The following ITGA1 variants were observed in gnomAD, a reference collection of about 807,000 sequenced individuals.
ITGA1 encodes integrin alpha-1.
Under a neutral mutation model 145.9 loss-of-function variants are expected in ITGA1, and 85 were observed. The ratio of observed to expected loss-of-function variants is 0.58; its 90% CI spans 0.49 to 0.70. The LOEUF is 0.70. Among genes scored for constraint, ITGA1 ranks in the 30% least tolerant of loss-of-function variants. The pLI is 0.00. For synonymous variants in ITGA1, 520 were observed against 495.3 expected (o/e 1.05, Z -0.66); for missense variants, 1,351 against 1,418.7 (o/e 0.95, Z 0.77).
chr5:52,792,455 G>T (rs1580019712), intron 1 of ITGA1, among the ~76,000 whole-genome samples: 1 of 152,166 alleles, frequency 6.6e-6, no homozygotes, highest in East Asian at 1.9e-4. Flanking sequence ...GAGTAACCAT[G>T]AGACACATAT....
chr5:52,819,353 A>G (rs1297232069), intron 1 of ITGA1, among the ~76,000 whole-genome samples: 1 of 152,168 alleles, frequency 6.6e-6, no homozygotes, highest in Admixed American at 6.5e-5. Flanking sequence ...CTGGTGTCAG[A>G]TGGTATCTCA....
chr5:52,934,790 T>C (rs186443745), intron 23 of ITGA1, among the ~76,000 whole-genome samples: 7 of 152,074 alleles, frequency 4.6e-5, no homozygotes, highest in Admixed American at 2.6e-4. Flanking sequence ...CTTTTGGGAA[T>C]TGCCAACCAC....
chr5:52,798,039 C>T (rs1160270586), intron 1 of ITGA1, among the ~76,000 whole-genome samples: 5 of 152,230 alleles, frequency 3.3e-5, no homozygotes, highest in Non-Finnish European at 7.3e-5. Context: ...CTCTCTCTTT[C>T]TCTCTCACAA....
chr5:52,827,606 T>G (rs1160779763), intron 1 of ITGA1, among the ~76,000 whole-genome samples: 3 of 152,144 alleles, frequency 2.0e-5, no homozygotes, highest in Non-Finnish European at 2.9e-5. Context: ...TTTTGTAAAA[T>G]GAAGAGTCAA....
rs938125133 is a variant in ITGA1, at chr5:52,955,955, A to G, written c.*3504A>G. On this transcript the variant is annotated 3_prime_UTR_variant, in exon 29 of 29. Transcript: ENST00000282588. ...CGTATATACATATATATATATATAT[A>G]TATACACATACACTCACATGCAGAT... 3 of 151,904 alleles carry G rather than the reference A, an allele frequency of 2.0e-5. No individual in the cohort carries two copies. Among genetic ancestry groups the G allele is most frequent in the Non-Finnish European group, 2.9e-5 (2 of 68,002 alleles). 9.4% of individuals were successfully genotyped at this position (151,904 alleles called of 1,614,324 possible).
chr5:52,793,565 A>T (rs893334785), intron 1 of ITGA1, among the ~76,000 whole-genome samples: 1 of 152,098 alleles, frequency 6.6e-6, no homozygotes, highest in Non-Finnish European at 1.5e-5. Context: ...TGAAAATTAC[A>T]ATCAATAATA....
intron 24 of ITGA1, among the ~76,000 whole-genome samples, chr5:52,939,091 T>TG (rs769538132): frequency 4.6e-5 from 7 of 151,984 alleles, no homozygotes; most frequent in African/African-American, 1.7e-4. Flanking sequence ...CTAGTAGAGA[T>TG]GGGGCCTCAC....
In ITGA1 at chr5:52,887,837, CG is replaced by C; in HGVS notation, c.800del (p.Gly267ValfsTer13). 6.2e-7 allele frequency: 1 copy of C among 1,613,070 alleles called. No homozygotes were observed. The highest frequency in any genetic ancestry group is 8.5e-7 in the Non-Finnish European group (1 of 1,179,332). ...TARKEAFTEA[R>X]GARRGVKKVM... ...TAGAAAGGAGGCATTCACGGAAGCC[CG>C]GGGTGCCCGAAGAGGAGTTAAAAAA... On this transcript the variant is annotated frameshift_variant, in exon 8 of 29. Coordinates refer to ENST00000282588, the MANE Select transcript of ITGA1 (RefSeq NM_181501.2). LOFTEE classifies it high-confidence loss of function.
At chr5:52,831,445 C>A (rs1749068602) in intron 1 of ITGA1, among the ~76,000 whole-genome samples, 1 of 151,968 alleles carries the variant, frequency 6.6e-6, no homozygotes, top group East Asian at 1.9e-4. Context: ...GAAAGTCACA[C>A]AGAGGGTTAC....
At position 52,864,796 on chromosome 5, in the gene ITGA1, A is replaced by C. The variant is rs770486364; in HGVS notation, c.329A>C (p.Lys110Thr). ...TCAATTCCCAATGTCACAGAAGTAA[A>C]GGAGAACATGACATTTGGATCAACT... ...NTSIPNVTEV[K>T]ENMTFGSTLV... The change falls in exon 4 of 29, where the codon AAG becomes ACG. Residue 110 changes from lysine (K) to threonine (T), a missense_variant. Physicochemically the swap from Lys to Thr is moderately conservative, Grantham distance 78. Coordinates refer to ENST00000282588, the MANE Select transcript of ITGA1 (RefSeq NM_181501.2). The C allele has an allele frequency of 2.8e-5, 45 of 1,612,374 alleles. No homozygotes were observed. Among genetic ancestry groups the C allele is most frequent in the Middle Eastern group, 1.6e-4 (1 of 6,066 alleles).
At chr5:52,920,216 TC>T (rs1750710436) in intron 16 of ITGA1, 115 bp from the exon 17 acceptor site, 1 of 756,250 alleles carries the variant, frequency 1.3e-6, no homozygotes, top group Non-Finnish European at 2.1e-6. Flanking sequence ...AACAATAGAA[TC>T]TTTTTTGATT....
At chr5:52,910,636 A>G (rs1034651033) in intron 14 of ITGA1, among the ~76,000 whole-genome samples, 3 of 148,372 alleles carry the variant, frequency 2.0e-5, no homozygotes, top group African/African-American at 7.4e-5. Flanking sequence ...TATATAGTAT[A>G]TATAGTGTAT....
chr5:52,895,438 A>G (rs1426434185), intron 9 of ITGA1, among the ~76,000 whole-genome samples: 1 of 152,210 alleles, frequency 6.6e-6, no homozygotes, highest in East Asian at 1.9e-4. Context: ...TAAGGAAAAT[A>G]CATAAGGTCT....
intron 28 of ITGA1, chr5:52,948,884 T>C (rs1294135607): frequency 6.6e-6 from 1 of 152,226 alleles, no homozygotes; most frequent in Non-Finnish European, 1.5e-5. Flanking sequence ...GATATTTGGA[T>C]AGGTTCTTTC....
At chr5:52,871,089 T>G (rs545060089) in intron 6 of ITGA1, among the ~76,000 whole-genome samples, 1 of 152,344 alleles carries the variant, frequency 6.6e-6, no homozygotes, top group South Asian at 2.1e-4. Context: ...TGCATCTTTC[T>G]CAACTACAGG....
At chr5:52,834,560 G>GAGAAAGAGAAGAAAGAA (rs1554042396) in intron 1 of ITGA1, among the ~76,000 whole-genome samples, 2 of 130,690 alleles carry the variant, frequency 1.5e-5, no homozygotes, top group Non-Finnish European at 3.3e-5. Flanking sequence ...GAAAGAGAGA[G>GAGAAAGAGAAGAAAGAA]AGAAAGAGAG....
chr5:52,798,103 G>T (rs1748379230), intron 1 of ITGA1, among the ~76,000 whole-genome samples: 1 of 152,054 alleles, frequency 6.6e-6, no homozygotes, highest in East Asian at 1.9e-4. Flanking sequence ...AAGTTAACAA[G>T]ATACTTTTTT....
chr5:52,842,321 T>C lies in ITGA1; in HGVS notation c.62-7044T>C, dbSNP rs549343744. Among the ~76,000 whole-genome samples the C allele has an allele frequency of 6.6e-5, 10 of 152,306 alleles. No individual in the cohort carries two copies. In the South Asian group the frequency reaches 2.1e-3, roughly 32 times the overall value. On this transcript the variant is annotated intron_variant, in intron 1 of 28. Transcript: ENST00000282588. ...GGCCTGACACCCTCATCTTAGATTT[T>C]CTTCATGTATGTCATTGCAGCCAAG... is the stretch of plus-strand genomic sequence containing the variant.
rs976724210 is a variant in ITGA1, at chr5:52,957,729, C to T, written c.*5278C>T. 6.6e-6 allele frequency: 1 copy of T among 152,140 alleles called. No homozygotes were observed. The highest frequency in any genetic ancestry group is 6.5e-5 in the Admixed American group (1 of 15,270). 9.4% of individuals were successfully genotyped at this position (152,140 alleles called of 1,614,324 possible). On this transcript the variant is annotated 3_prime_UTR_variant, in exon 29 of 29. Transcript: ENST00000282588. ...AGGGCCTTGGGTGGTGACATGTTATCTTTGTTGGTGAGCAGACACTCAGAG... is the reference window on the plus strand; with the variant it reads ...AGGGCCTTGGGTGGTGACATGTTATTTTTGTTGGTGAGCAGACACTCAGAG...
Sources: gnomAD v4.1 joint callset for allele counts (sites outside exome capture counted in the v4.1 genomes callset) on GRCh38, gnomAD v4.1.1 for gene constraint, MANE v1.5 for transcripts, NCBI Gene and HGNC (gene_info 2026-07-23, HGNC 2026-07-21) for gene names.